TBC1D13: variants seen among roughly 807,000 people sequenced by gnomAD.
TBC1D13 encodes the protein epididymis secretory sperm binding protein.
In TBC1D13, 40 loss-of-function variants were observed where a neutral mutation model predicts 53.6. That is an observed-to-expected ratio of 0.75 (90% confidence interval 0.58 to 0.97). The LOEUF (loss-of-function observed/expected upper bound fraction) is 0.97. Among genes scored for constraint, TBC1D13 ranks in the 50% least tolerant of loss-of-function variants. The probability of loss-of-function intolerance (pLI) is 0.00; values close to 1 mark genes in which losing one functional copy is unlikely to be tolerated. For missense variants in TBC1D13, 377 were observed against 499.4 expected, an observed-to-expected ratio of 0.75 and a Z score of 2.34; for synonymous variants, 182 against 197.7, an observed-to-expected ratio of 0.92 and a Z score of 0.67.
intron 8 of TBC1D13, 36 bp from the exon 9 acceptor site, chr9:128,803,920 G>A (rs756875011): frequency 2.1e-5 from 34 of 1,608,762 alleles, no homozygotes; most frequent in Non-Finnish European, 2.8e-5. Context: ...TGGGCCTGGA[G>A]TGCGCCACTT....
At position 128,805,914 on chromosome 9, in the gene TBC1D13, T is replaced by C. The variant is rs1484237106; in HGVS notation, c.974T>C (p.Leu325Pro). Residue 325 changes from leucine (L) to proline (P), a missense_variant, in exon 10 of 12, where the codon CTG (leucine) becomes CCG (proline). Leu to Pro is a moderately conservative substitution (Grantham distance 98). Transcript: ENST00000372648. Reference protein sequence around the residue: ...FFAFRWLTLLLSQEFLLPDVI... With the variant: ...FFAFRWLTLLPSQEFLLPDVI... The stretch of plus-strand genomic sequence containing the variant: ...GCCTTCCGCTGGCTGACACTGCTGC[T>C]GTCCCAGGAGTTCTTGCTGCCTGAC... 1 of 1,614,210 alleles carries C rather than the reference T, an allele frequency of 6.2e-7. No homozygotes were observed. The highest frequency in any genetic ancestry group is 1.3e-5 in the African/African-American group (1 of 75,060).
chr9:128,789,335 A>AAAG (rs1829487083), intron 2 of TBC1D13, among the ~76,000 whole-genome samples: 1 of 151,360 alleles, frequency 6.6e-6, no homozygotes, highest in Non-Finnish European at 1.5e-5. Context: ...AAAAAAAAAA[A>AAAG]AGAACTTCTT....
chr9:128,797,252 C>T (rs375121789), intron 7 of TBC1D13, 38 bp downstream of exon 7: 2 of 1,604,726 alleles, frequency 1.2e-6, no homozygotes, highest in South Asian at 1.1e-5. Flanking sequence ...ACTCCCCCAA[C>T]AGTATTTTCT....
chr9:128,807,065 C>T (rs899966950), intron 11 of TBC1D13, among the ~76,000 whole-genome samples: 3 of 151,346 alleles, frequency 2.0e-5, no homozygotes, highest in East Asian at 1.9e-4. Flanking sequence ...TTCACCAGCA[C>T]GTGGCCTTAG....
chr9:128,803,229 G>A (rs368865004), intron 7 of TBC1D13, 21 bp from the exon 8 acceptor site: 2 of 1,608,738 alleles, frequency 1.2e-6, no homozygotes, highest in Non-Finnish European at 1.7e-6. Flanking sequence ...TTCTTGATGG[G>A]CTCCTCCTCT....
chr9:128,792,011 A>G lies in TBC1D13; in HGVS notation c.300+318A>G, dbSNP rs189142732. Among the ~76,000 whole-genome samples the G allele has an allele frequency of 8.3e-3, 1,265 of 152,310 alleles. 25 individuals carry two copies. The highest frequency in any genetic ancestry group is 4.5e-3 in the Non-Finnish European group (307 of 68,022). ...AGGGCGGGAGGGAGGCTAAGCTGCC[A>G]GGAAGCCTTGTTCTCCTCAAATGCT... On this transcript the variant is annotated intron_variant, in intron 5 of 11. Transcript: ENST00000372648.
At chr9:128,802,450 CCAGT>C (rs770605087) in intron 7 of TBC1D13, among the ~76,000 whole-genome samples, 3 of 152,140 alleles carry the variant, frequency 2.0e-5, no homozygotes, top group Non-Finnish European at 4.4e-5. Context: ...TGTGTAAGTG[CCAGT>C]CAGTCAAGAT....
chr9:128,804,666 C>T (rs573482748), intron 9 of TBC1D13, among the ~76,000 whole-genome samples: 13 of 151,748 alleles, frequency 8.6e-5, no homozygotes, highest in Admixed American at 2.0e-4. Flanking sequence ...GCCTCGGCCT[C>T]CCAAAGTGCT....
intron 7 of TBC1D13, among the ~76,000 whole-genome samples, chr9:128,800,659 TCCAA>T (rs571627441): frequency 1.4e-3 from 219 of 152,200 alleles, no homozygotes; most frequent in Non-Finnish European, 1.4e-3. Context: ...GTGCCTGGCC[TCCAA>T]CCTTTTCTTA....
In TBC1D13 at chr9:128,791,305, G is replaced by T. The variant is rs546144396; in HGVS notation, c.139-75G>T. 13 of 1,369,174 alleles carry T rather than the reference G, an allele frequency of 9.5e-6. 1 individual carries two copies. Among genetic ancestry groups the T allele is most frequent in the Middle Eastern group, 1.8e-4 (1 of 5,602 alleles). 84.8% of individuals were successfully genotyped at this position (1,369,174 alleles called of 1,614,324 possible). ...GACTTTATGAGATGTTTTTCTTGAGGCCTGTCATCCCCGCCTAAAGACTGA... is the reference window on the plus strand; with the variant it reads ...GACTTTATGAGATGTTTTTCTTGAGTCCTGTCATCCCCGCCTAAAGACTGA... On this transcript the variant is annotated intron_variant, in intron 3 of 11. Coordinates refer to ENST00000372648, the MANE Select transcript of TBC1D13 (RefSeq NM_018201.5).
At chr9:128,788,204 G>C (rs754460506) in intron 1 of TBC1D13, 130 bp from the exon 2 acceptor site, 17 of 737,842 alleles carry the variant, frequency 2.3e-5, no homozygotes, top group Non-Finnish European at 3.3e-5. Flanking sequence ...TGACTAAGCT[G>C]TGTGATTTTT....
intron 11 of TBC1D13, 86 bp downstream of exon 11, chr9:128,806,397 TG>T (rs1321918240): frequency 1.3e-6 from 2 of 1,512,286 alleles, no homozygotes; most frequent in Non-Finnish European, 1.8e-6. Flanking sequence ...TGCGACAGGC[TG>T]GGCAGGGGCA....
At position 128,791,653 on chromosome 9, in the gene TBC1D13, A is replaced by G; in HGVS notation, c.260A>G (p.Asn87Ser). The stretch of plus-strand genomic sequence containing the variant: ...ATCCAGCCTGGCATTGCCAAGGCCA[A>G]CATGGGTGTGTCCAGGGAGGATGTG... Reference protein sequence around the residue: ...MIIQPGIAKANMGVSREDVTF... With the variant: ...MIIQPGIAKASMGVSREDVTF... The change falls in exon 5 of 12, where the codon AAC becomes AGC. Residue 87 changes from asparagine (N) to serine (S), a missense_variant. Transcript: ENST00000372648. 1 of 1,614,250 alleles carries G rather than the reference A, an allele frequency of 6.2e-7. No homozygotes were observed. The highest frequency in any genetic ancestry group is 8.5e-7 in the Non-Finnish European group (1 of 1,180,046).
chr9:128,794,169 C>CA lies in TBC1D13; in HGVS notation c.383+1596dup. On this transcript the variant is annotated intron_variant, in intron 6 of 11. Coordinates refer to ENST00000372648, the MANE Select transcript of TBC1D13 (RefSeq NM_018201.5). ...AAGAGTCTGCTGGGCTGAGGCACAG[C>CA]ACATGAGAGTGCCCTGTGGCCGGGG... Among the ~76,000 whole-genome samples, 3 of 152,292 alleles carry CA rather than the reference C, an allele frequency of 2.0e-5. No homozygotes were observed. The Middle Eastern group carries it at 0.01, about 518-fold the overall frequency.
chr9:128,797,216 T>C lies in TBC1D13; in HGVS notation c.543+2T>C. ...CGGAACCGGAGTGGGGTCACAAATG[T>C]GAGTGCCAACCTGGGGTCCCCAGGG... is the stretch of plus-strand genomic sequence containing the variant. On this transcript the variant is annotated splice_donor_variant, in intron 7 of 11. Transcript: ENST00000372648. LOFTEE classifies it high-confidence loss of function. 6.2e-7 allele frequency: 1 copy of C among 1,613,862 alleles called. No individual in the cohort carries two copies. Among genetic ancestry groups the C allele is most frequent in the Non-Finnish European group, 8.5e-7 (1 of 1,179,864 alleles).
intron 9 of TBC1D13, among the ~76,000 whole-genome samples, 156 bp from the exon 10 acceptor site, chr9:128,805,703 G>A (rs3829057): frequency 0.37 from 56,659 of 152,132 alleles, 13,983 homozygotes; most frequent in African/African-American, 0.71. Flanking sequence ...CCCTTTACCA[G>A]GCAAGGCTGT....
At chr9:128,789,812 T>TATGTATGTATGTATAA (rs11269563) in intron 2 of TBC1D13, 14 of 132,402 alleles carry the variant, frequency 1.1e-4, no homozygotes, top group African/African-American at 3.9e-4. Flanking sequence ...TATATATATA[T>TATGTATGTATGTATAA]AATAATTCCA....
intron 6 of TBC1D13, among the ~76,000 whole-genome samples, chr9:128,796,781 A>T (rs907977525): frequency 6.6e-6 from 1 of 151,902 alleles, no homozygotes; most frequent in Non-Finnish European, 1.5e-5. Flanking sequence ...CTAAAAAAAT[A>T]AAAAATTAGC....
intron 7 of TBC1D13, among the ~76,000 whole-genome samples, chr9:128,801,176 AAAG>A (rs928554256): frequency 9.0e-4 from 135 of 150,670 alleles, no homozygotes; most frequent in African/African-American, 3.1e-3. Context: ...CATCTCAAAA[AAAG>A]AAGAAGGGCA....
Sources: gnomAD v4.1 joint callset for allele counts (sites outside exome capture counted in the v4.1 genomes callset) on GRCh38, gnomAD v4.1.1 for gene constraint, MANE v1.5 for transcripts, NCBI Gene and HGNC (gene_info 2026-07-23, HGNC 2026-07-21) for gene names.